Variants in FGF14 observed in about 807,000 individuals in gnomAD.
FGF14 encodes fibroblast growth factor homologous factor 4.
Under a neutral mutation model 25.5 loss-of-function variants are expected in FGF14, and 5 were observed. The ratio of observed to expected loss-of-function variants is 0.20; its 90% CI spans 0.10 to 0.41. The LOEUF is 0.41. Ranked by LOEUF, FGF14 falls within the 10% of genes least tolerant of loss-of-function variation. FGF14 has a pLI of 1.00. For missense variants in FGF14, 222 were observed against 320.1 expected, an observed-to-expected ratio of 0.69 and a Z score of 2.34; for synonymous variants, 138 against 118.3, an observed-to-expected ratio of 1.17 and a Z score of -1.08.
intron 1 of FGF14, among the ~76,000 whole-genome samples, chr13:101,999,903 A>G (rs2039389458): frequency 6.6e-6 from 1 of 152,154 alleles, no homozygotes; most frequent in Admixed American, 6.5e-5. Context: ...GTTTCTCCAT[A>G]GGTCACTCAA....
At chr13:101,780,649 C>T (rs1014005515) in intron 3 of FGF14, among the ~76,000 whole-genome samples, 1 of 151,988 alleles carries the variant, frequency 6.6e-6, no homozygotes, top group Non-Finnish European at 1.5e-5. Context: ...GTGCACTTGA[C>T]ATGTCTTTAT....
chr13:101,973,119 C>CATTTTT (rs77590228), intron 1 of FGF14, among the ~76,000 whole-genome samples: 1 of 127,508 alleles, frequency 7.8e-6, no homozygotes. Context: ...AAGTGTGCTT[C>CATTTTT]TTTTTTTTTT....
At chr13:102,055,984 T>G (rs1414978523) in intron 1 of FGF14, among the ~76,000 whole-genome samples, 1 of 152,170 alleles carries the variant, frequency 6.6e-6, no homozygotes, top group Admixed American at 6.5e-5. Flanking sequence ...ATGAGACTTA[T>G]TCACTACCAC....
chr13:102,361,143 T>C (rs2057553482), intron 1 of FGF14, among the ~76,000 whole-genome samples: 1 of 152,208 alleles, frequency 6.6e-6, no homozygotes, highest in Non-Finnish European at 1.5e-5. Flanking sequence ...TTAATTGATA[T>C]GCTCTTTTTT....
At chr13:102,024,514 C>A (rs57334903) in intron 1 of FGF14, among the ~76,000 whole-genome samples, 3,347 of 151,890 alleles carry the variant, frequency 0.022, 113 homozygotes, top group African/African-American at 0.074. Flanking sequence ...GAAAACAAAT[C>A]TCTCATAAGA....
intron 1 of FGF14, among the ~76,000 whole-genome samples, chr13:101,900,289 C>T (rs1039160051): frequency 1.5e-4 from 23 of 151,578 alleles, no homozygotes; most frequent in Middle Eastern, 3.4e-3. Flanking sequence ...GTTAAAAGAA[C>T]GCAAATTTAA....
At chr13:101,873,716 T>C (rs555419018) in intron 2 of FGF14, among the ~76,000 whole-genome samples, 1 of 152,198 alleles carries the variant, frequency 6.6e-6, no homozygotes, top group East Asian at 1.9e-4. Flanking sequence ...ACATCTTTTG[T>C]TGGTCAAAGA....
intron 3 of FGF14, among the ~76,000 whole-genome samples, chr13:101,857,425 AG>A: frequency 6.6e-6 from 1 of 151,992 alleles, no homozygotes; most frequent in Admixed American, 6.6e-5. Flanking sequence ...TATTTAATAT[AG>A]TGGAGTGGTC....
chr13:102,027,303 A>G (rs1266774863), intron 1 of FGF14, among the ~76,000 whole-genome samples: 2 of 151,234 alleles, frequency 1.3e-5, no homozygotes, highest in East Asian at 3.9e-4. Flanking sequence ...TAATATAGAT[A>G]ATGACTATAT....
At chr13:102,164,666 G>A (rs1047065832) in intron 1 of FGF14, among the ~76,000 whole-genome samples, 8 of 152,140 alleles carry the variant, frequency 5.3e-5, no homozygotes, top group Non-Finnish European at 8.8e-5. Context: ...ATTCTTAATC[G>A]GTAGTTAATG....
At chr13:102,223,985 T>A (rs2140967067) in intron 1 of FGF14, among the ~76,000 whole-genome samples, 1 of 152,308 alleles carries the variant, frequency 6.6e-6, no homozygotes, top group African/African-American at 2.4e-5. Context: ...TTAATCAGGA[T>A]GGTGAGAGAT....
intron 1 of FGF14, among the ~76,000 whole-genome samples, chr13:102,319,660 A>G (rs1267835701): frequency 1.3e-5 from 2 of 152,232 alleles, no homozygotes; most frequent in Non-Finnish European, 2.9e-5. Flanking sequence ...GTCTGAATGT[A>G]AAGAAGTTTC....
chr13:102,396,001 C>G (rs2058573505), intron 1 of FGF14, among the ~76,000 whole-genome samples: 1 of 152,162 alleles, frequency 6.6e-6, no homozygotes, highest in Non-Finnish European at 1.5e-5. Context: ...CATAGTTGGT[C>G]TTGATACAAA....
chr13:102,112,849 C>A (rs2140328882), intron 1 of FGF14, among the ~76,000 whole-genome samples: 1 of 152,286 alleles, frequency 6.6e-6, no homozygotes, highest in East Asian at 1.9e-4. Context: ...TTTCATCAAG[C>A]TTGAGCAATT....
chr13:101,984,527 C>T (rs1375365945), intron 1 of FGF14, among the ~76,000 whole-genome samples: 3 of 152,088 alleles, frequency 2.0e-5, no homozygotes, highest in Non-Finnish European at 4.4e-5. Context: ...TTTACTAAAA[C>T]TCATTTCCAA....
At chr13:102,020,034 C>T (rs187818648) in intron 1 of FGF14, among the ~76,000 whole-genome samples, 4 of 152,160 alleles carry the variant, frequency 2.6e-5, no homozygotes, top group Non-Finnish European at 4.4e-5. Flanking sequence ...GAAAAACATA[C>T]ACAATACACT....
intron 1 of FGF14, among the ~76,000 whole-genome samples, chr13:102,243,737 A>G (rs16959988): frequency 0.012 from 1,789 of 151,140 alleles, 31 homozygotes; most frequent in African/African-American, 0.041. Flanking sequence ...ACATGATGTT[A>G]AAATAAGTGT....
At chr13:101,779,036 G>A (rs1342120482) in intron 3 of FGF14, 1 of 152,170 alleles carries the variant, frequency 6.6e-6, no homozygotes, top group Non-Finnish European at 1.5e-5. Flanking sequence ...CATCTCCCCT[G>A]CCGGGTAAGA....
intron 1 of FGF14, among the ~76,000 whole-genome samples, chr13:102,265,381 C>T (rs761796667): frequency 2.6e-5 from 4 of 152,122 alleles, no homozygotes; most frequent in Non-Finnish European, 5.9e-5. Flanking sequence ...CATGGACACA[C>T]TGATATGCAC....
Sources: allele counts gnomAD v4.1 joint callset (sites outside exome capture counted in the v4.1 genomes callset), GRCh38; gene constraint gnomAD v4.1.1; transcripts MANE v1.5; gene names NCBI Gene and HGNC (gene_info 2026-07-23, HGNC 2026-07-21).